CDH20: variants seen among roughly 807,000 people sequenced by gnomAD.
The protein encoded by CDH20 is cadherin-20.
CDH20 carries 29 observed loss-of-function variants against 74.2 expected under a neutral mutation model. The ratio of observed to expected loss-of-function variants is 0.39; its 90% CI spans 0.29 to 0.53. The LOEUF (loss-of-function observed/expected upper bound fraction) is 0.53. Among genes scored for constraint, CDH20 ranks in the 20% least tolerant of loss-of-function variants. CDH20 has a pLI of 0.69. For missense variants in CDH20, 988 were observed against 1,048.3 expected, an observed-to-expected ratio of 0.94 and a Z score of 0.79; for synonymous variants, 469 against 405.4, an observed-to-expected ratio of 1.16 and a Z score of -1.88.
intron 6 of CDH20, among the ~76,000 whole-genome samples, chr18:61,520,724 C>G (rs747111322): frequency 2.0e-5 from 3 of 151,156 alleles, no homozygotes; most frequent in Non-Finnish European, 4.4e-5. Flanking sequence ...TAATGGAAAT[C>G]ATAACAAACA....
chr18:61,445,687 T>G (rs1365875221), intron 1 of CDH20, among the ~76,000 whole-genome samples: 2 of 152,238 alleles, frequency 1.3e-5, no homozygotes, highest in Non-Finnish European at 2.9e-5. Context: ...TTTAGTACAT[T>G]GCTAAAACCC....
intron 2 of CDH20, among the ~76,000 whole-genome samples, chr18:61,497,292 A>G (rs1393102275): frequency 2.6e-5 from 4 of 152,132 alleles, no homozygotes. Context: ...CATTGCCTGC[A>G]TGATTTGGCC....
intron 6 of CDH20, among the ~76,000 whole-genome samples, chr18:61,521,418 T>C (rs375535924): frequency 2.0e-5 from 3 of 151,318 alleles, no homozygotes; most frequent in Admixed American, 6.6e-5. Flanking sequence ...AGTTCTGAAA[T>C]TGAGGCAATA....
intron 1 of CDH20, among the ~76,000 whole-genome samples, chr18:61,475,820 G>A (rs185832919): frequency 2.0e-5 from 3 of 152,140 alleles, no homozygotes; most frequent in Non-Finnish European, 4.4e-5. Context: ...AGCCTGCATA[G>A]AATTCTCTTC....
At chr18:61,501,360 T>A (rs1911378621) in intron 4 of CDH20, among the ~76,000 whole-genome samples, 1 of 147,232 alleles carries the variant, frequency 6.8e-6, no homozygotes, top group Admixed American at 6.7e-5. Flanking sequence ...TATCTTATAC[T>A]TGTGCCAGGC....
At chr18:61,449,161 G>A (rs183153851) in intron 1 of CDH20, among the ~76,000 whole-genome samples, 5 of 152,110 alleles carry the variant, frequency 3.3e-5, no homozygotes, top group East Asian at 1.9e-4. Flanking sequence ...AACCTATAAC[G>A]ACCTCATTTA....
intron 1 of CDH20, among the ~76,000 whole-genome samples, chr18:61,382,716 T>C (rs1911472573): frequency 6.6e-6 from 1 of 152,220 alleles, no homozygotes; most frequent in Non-Finnish European, 1.5e-5. Context: ...GCCCAAATCC[T>C]GTGAATGGCA....
chr18:61,343,055 TCTA>T (rs1343159357), intron 1 of CDH20, among the ~76,000 whole-genome samples: 1 of 152,150 alleles, frequency 6.6e-6, no homozygotes, highest in Non-Finnish European at 1.5e-5. Flanking sequence ...TAATAGATGG[TCTA>T]TTAGACTCCA....
intron 5 of CDH20, among the ~76,000 whole-genome samples, chr18:61,506,501 A>G (rs1003862466): frequency 6.6e-6 from 1 of 152,242 alleles, no homozygotes; most frequent in Non-Finnish European, 1.5e-5. Flanking sequence ...GAACACGTAC[A>G]TATTGAAAAT....
intron 1 of CDH20, among the ~76,000 whole-genome samples, chr18:61,484,477 AAGAC>A (rs1253293316): frequency 6.6e-6 from 1 of 152,024 alleles, no homozygotes; most frequent in East Asian, 1.9e-4. Context: ...TACGGAAAGA[AAGAC>A]AGGGCACCCT....
intron 6 of CDH20, among the ~76,000 whole-genome samples, chr18:61,520,824 G>A (rs1912178309): frequency 6.6e-6 from 1 of 151,218 alleles, no homozygotes; most frequent in Non-Finnish European, 1.5e-5. Flanking sequence ...TAAATAACCT[G>A]CTCCTGAATG....
At chr18:61,405,659 T>C (rs1374596735) in intron 1 of CDH20, among the ~76,000 whole-genome samples, 3 of 152,204 alleles carry the variant, frequency 2.0e-5, no homozygotes, top group Admixed American at 6.5e-5. Context: ...AGTCAATCAG[T>C]GCTTTAAAGC....
intron 6 of CDH20, among the ~76,000 whole-genome samples, chr18:61,512,216 C>CA (rs1424270406): frequency 6.6e-6 from 1 of 152,182 alleles, no homozygotes; most frequent in African/African-American, 2.4e-5. Flanking sequence ...AGTAATCAAT[C>CA]AGTCGATTTT....
chr18:61,457,277 T>C (rs1909603788), intron 1 of CDH20, among the ~76,000 whole-genome samples: 1 of 152,098 alleles, frequency 6.6e-6, no homozygotes, highest in Non-Finnish European at 1.5e-5. Context: ...TCTGAATAGC[T>C]TAATCTCTCT....
chr18:61,425,040 C>CCTCT lies in CDH20; in HGVS notation c.-152-65328_-152-65325dup, dbSNP rs10535853. ...TCCCTCTCTCTCCCACTTCCCCGCT[C>CCTCT]CTCTCTCTCTCTCTCTCTCTCTCTC... On this transcript the variant is annotated intron_variant, in intron 1 of 11. Coordinates refer to ENST00000262717, the MANE Select transcript of CDH20 (RefSeq NM_031891.4). Among the ~76,000 whole-genome samples the CCTCT allele has an allele frequency of 8.6e-3, 1,163 of 134,704 alleles. 11 individuals are homozygous for CCTCT. Among genetic ancestry groups the CCTCT allele is most frequent in the African/African-American group, 0.026 (943 of 36,230 alleles). The allele number at this position is 134,704 out of a possible 152,430, so 88.4% of individuals were successfully genotyped here.
intron 1 of CDH20, among the ~76,000 whole-genome samples, chr18:61,394,850 C>T (rs919559830): frequency 1.3e-5 from 2 of 151,858 alleles, no homozygotes; most frequent in African/African-American, 2.4e-5. Context: ...TGGCTACCTC[C>T]CTCACCCTGT....
At chr18:61,536,142 A>T (rs1912810209) in intron 7 of CDH20, among the ~76,000 whole-genome samples, 1 of 152,172 alleles carries the variant, frequency 6.6e-6, no homozygotes, top group African/African-American at 2.4e-5. Context: ...TTCTTTTTAA[A>T]CAAATATATA....
intron 1 of CDH20, among the ~76,000 whole-genome samples, chr18:61,354,330 C>A (rs529975014): frequency 6.6e-6 from 1 of 151,888 alleles, no homozygotes; most frequent in Non-Finnish European, 1.5e-5. Context: ...CTAGGTCTCC[C>A]GGTGTGGTGG....
rs544826269 is a variant in CDH20, at chr18:61,386,271, T to C, written c.-153+52444T>C. On this transcript the variant is annotated intron_variant, in intron 1 of 11. Transcript: ENST00000262717. ...GTAAGGATATTTGGAGGTGTGGCCT[T>C]TGGCAGTTGACTTAGCCATTGATTA... Among the ~76,000 whole-genome samples the C allele has an allele frequency of 1.6e-4, 25 of 152,312 alleles. No individual in the cohort carries two copies. The East Asian group carries it at 3.7e-3, about 22-fold the overall frequency.
Sources: allele counts gnomAD v4.1 joint callset (sites outside exome capture counted in the v4.1 genomes callset), GRCh38; gene constraint gnomAD v4.1.1; transcripts MANE v1.5; gene names NCBI Gene and HGNC (gene_info 2026-07-23, HGNC 2026-07-21).